Variants in AOAH observed in about 807,000 individuals in gnomAD.
The protein encoded by AOAH is acyloxyacyl hydrolase (neutrophil).
A neutral mutation model predicts 92.2 loss-of-function variants in AOAH; 64 were observed. The observed-to-expected ratio is 0.69, with a 90% CI of 0.57 to 0.86. AOAH has a LOEUF of 0.86. AOAH is among the 40% of genes least tolerant of loss of function. AOAH has a pLI of 0.00. For synonymous variants in AOAH, 263 were observed against 254.5 expected (o/e 1.03, Z -0.32); for missense variants, 656 against 694.6 (o/e 0.94, Z 0.62).
chr7:36,707,831 T>TTTTTC (rs142629080), intron 1 of AOAH, among the ~76,000 whole-genome samples: 168 of 151,294 alleles, frequency 1.1e-3, no homozygotes, highest in African/African-American at 1.7e-3. Flanking sequence ...TAGGCTAATG[T>TTTTTC]TTTTCTTTTC....
intron 3 of AOAH, among the ~76,000 whole-genome samples, chr7:36,670,722 G>A (rs544272629): frequency 2.2e-4 from 33 of 152,234 alleles, no homozygotes; most frequent in Non-Finnish European, 4.0e-4. Context: ...TGATCCGCCC[G>A]CCTTGGCCTC....
chr7:36,515,678 C>CCA (rs1331807960), intron 20 of AOAH, among the ~76,000 whole-genome samples: 2 of 133,214 alleles, frequency 1.5e-5, no homozygotes, highest in Non-Finnish European at 3.2e-5. Flanking sequence ...CCTCACAACC[C>CCA]CACACCACAC....
intron 1 of AOAH, among the ~76,000 whole-genome samples, chr7:36,695,273 CTG>C (rs1797643756): frequency 6.6e-6 from 1 of 152,156 alleles, no homozygotes; most frequent in African/African-American, 2.4e-5. Flanking sequence ...ATCCAAATCT[CTG>C]TGAAAACCAT....
Position 36,518,615 on chromosome 7 carries a change from A to G in AOAH, c.1599+3424T>C, listed in dbSNP as rs575431420. On this transcript the variant is annotated intron_variant, in intron 20 of 20. Coordinates refer to ENST00000617537, the MANE Select transcript of AOAH (RefSeq NM_001637.4). ...ATAAAATCTATTCTAGATGAATGCT[A>G]GGGAATGGGTGCTCTGATTAAGTGG... is the stretch of plus-strand genomic sequence containing the variant. Among the ~76,000 whole-genome samples the G allele has an allele frequency of 3.3e-5, 5 of 152,342 alleles. No individual in the cohort carries two copies. In the South Asian group the frequency reaches 1.0e-3, roughly 32 times the overall value.
intron 4 of AOAH, among the ~76,000 whole-genome samples, chr7:36,649,232 C>A (rs1461173577): frequency 6.6e-6 from 1 of 152,160 alleles, no homozygotes; most frequent in Non-Finnish European, 1.5e-5. Context: ...AATTTGATTG[C>A]TCTGGAAAGC....
intron 15 of AOAH, among the ~76,000 whole-genome samples, chr7:36,545,149 T>C (rs1244738210): frequency 6.6e-6 from 1 of 151,964 alleles, no homozygotes; most frequent in Non-Finnish European, 1.5e-5. Context: ...ACTCCTGGGC[T>C]CAAGCTATCC....
At chr7:36,694,078 A>C (rs1278045896) in intron 1 of AOAH, among the ~76,000 whole-genome samples, 1 of 152,234 alleles carries the variant, frequency 6.6e-6, no homozygotes. Context: ...AAAGAACTAG[A>C]TACTACCTGA....
intron 3 of AOAH, among the ~76,000 whole-genome samples, chr7:36,670,071 T>G (rs1795820143): frequency 1.3e-5 from 2 of 151,980 alleles, no homozygotes; most frequent in Non-Finnish European, 2.9e-5. Context: ...TTTTTGTTTT[T>G]TTTTTTTAAC....
intron 1 of AOAH, among the ~76,000 whole-genome samples, chr7:36,718,961 T>C (rs1003138502): frequency 6.6e-6 from 1 of 152,214 alleles, no homozygotes. Context: ...ATAAAGCTGT[T>C]ATTTAAAACA....
intron 11 of AOAH, among the ~76,000 whole-genome samples, chr7:36,596,864 T>C (rs1045127473): frequency 6.6e-6 from 1 of 152,212 alleles, no homozygotes; most frequent in Non-Finnish European, 1.5e-5. Context: ...CTTGTTGCTT[T>C]TATTATTCAA....
At chr7:36,551,561 T>C (rs942164568) in intron 13 of AOAH, among the ~76,000 whole-genome samples, 15 of 152,242 alleles carry the variant, frequency 9.9e-5, no homozygotes, top group African/African-American at 3.6e-4. Flanking sequence ...CCTCCTACTT[T>C]CTGCCCTTAC....
intron 2 of AOAH, among the ~76,000 whole-genome samples, chr7:36,678,469 G>A (rs1448081960): frequency 2.6e-5 from 4 of 151,878 alleles, no homozygotes; most frequent in African/African-American, 9.7e-5. Context: ...ATTTAAAAAT[G>A]GACATTAGGG....
At chr7:36,545,631 G>T (rs1343275738) in intron 15 of AOAH, among the ~76,000 whole-genome samples, 1 of 152,142 alleles carries the variant, frequency 6.6e-6, no homozygotes. Flanking sequence ...TCCATAAGAT[G>T]AAAATGTATA....
intron 4 of AOAH, among the ~76,000 whole-genome samples, chr7:36,645,980 A>G (rs1159429378): frequency 6.6e-6 from 1 of 152,076 alleles, no homozygotes; most frequent in Non-Finnish European, 1.5e-5. Flanking sequence ...ATCGCTTCCT[A>G]TTCTCCAGGC....
intron 5 of AOAH, among the ~76,000 whole-genome samples, chr7:36,633,735 C>T (rs560174821): frequency 2.0e-5 from 3 of 152,142 alleles, no homozygotes; most frequent in South Asian, 2.1e-4. Flanking sequence ...ATTTGCGTTT[C>T]GGAAAGATGT....
chr7:36,535,386 A>G (rs1784992113), intron 16 of AOAH, among the ~76,000 whole-genome samples: 3 of 152,176 alleles, frequency 2.0e-5, no homozygotes, highest in Admixed American at 2.0e-4. Context: ...GAAACTTAGT[A>G]CCAACAAAGA....
chr7:36,659,267 T>C lies in AOAH; in HGVS notation c.291-2A>G. On this transcript the variant is annotated splice_acceptor_variant, in intron 3 of 20. Coordinates refer to ENST00000617537, the MANE Select transcript of AOAH (RefSeq NM_001637.4). LOFTEE classifies it high-confidence loss of function. Reference sequence around the variant, plus strand: ...TCAGCATTCATATCTGCGCTAAGCCTGGAGGGAAACGGTGCAAAACAAAGG... The same window carrying C: ...TCAGCATTCATATCTGCGCTAAGCCCGGAGGGAAACGGTGCAAAACAAAGG... 1 of 1,613,140 alleles carries C rather than the reference T, an allele frequency of 6.2e-7. No individual in the cohort carries two copies. The highest frequency in any genetic ancestry group is 8.5e-7 in the Non-Finnish European group (1 of 1,179,122).
intron 19 of AOAH, 120 bp downstream of exon 19, chr7:36,530,298 G>T: frequency 1.5e-6 from 1 of 667,032 alleles, no homozygotes; most frequent in Non-Finnish European, 2.7e-6. Context: ...GTCAGAATAG[G>T]CAGGAGTAAC....
At chr7:36,542,494 G>T (rs937843422) in intron 15 of AOAH, among the ~76,000 whole-genome samples, 1 of 152,176 alleles carries the variant, frequency 6.6e-6, no homozygotes, top group Non-Finnish European at 1.5e-5. Flanking sequence ...GGAAGAGGGG[G>T]CAGAAAGGGG....
Sources: gnomAD v4.1 joint callset for allele counts (sites outside exome capture counted in the v4.1 genomes callset) on GRCh38, gnomAD v4.1.1 for gene constraint, MANE v1.5 for transcripts, NCBI Gene and HGNC (gene_info 2026-07-23, HGNC 2026-07-21) for gene names.